The following IBTK variants were observed in gnomAD, a reference collection of about 807,000 sequenced individuals.
IBTK encodes inhibitor of Bruton tyrosine kinase.
IBTK carries 83 observed loss-of-function variants against 154.9 expected under a neutral mutation model. The observed-to-expected ratio is 0.54, with a 90% CI of 0.45 to 0.64. The LOEUF (loss-of-function observed/expected upper bound fraction) is 0.64. Among genes scored for constraint, IBTK ranks in the 30% least tolerant of loss-of-function variants. IBTK has a pLI of 0.00. For synonymous variants in IBTK, 515 were observed against 536.1 expected (o/e 0.96, Z 0.54); for missense variants, 1,332 against 1,584.6 (o/e 0.84, Z 2.71).
intron 23 of IBTK, among the ~76,000 whole-genome samples, chr6:82,194,011 A>T (rs188655217): frequency 1.4e-4 from 22 of 152,140 alleles, no homozygotes; most frequent in Non-Finnish European, 2.9e-4. Flanking sequence ...TAAATGAAAA[A>T]ATATATATAT....
At position 82,172,489 on chromosome 6, in the gene IBTK, G is replaced by C; in HGVS notation, c.3821C>G (p.Thr1274Ser). The C allele has an allele frequency of 3.7e-6, 6 of 1,613,182 alleles. No individual in the cohort carries two copies. Among genetic ancestry groups the C allele is most frequent in the South Asian group, 3.3e-5 (3 of 90,802 alleles). Residue 1274 changes from threonine to serine, a missense_variant, in exon 28 of 29, where the codon ACT becomes AGT. By Grantham distance (58) the Thr-to-Ser change is moderately conservative. Coordinates refer to ENST00000306270, the MANE Select transcript of IBTK (RefSeq NM_015525.4). ...SPNPWLSSSV[T>S]APSMVAPVTF... ...GACTGGGGCTACCATGGATGGAGCA[G>C]TCACTGAAGAAGATAGCCAGGGACT...
chr6:82,238,381 TA>T (rs1432418044), intron 2 of IBTK, among the ~76,000 whole-genome samples: 1 of 152,210 alleles, frequency 6.6e-6, no homozygotes, highest in Non-Finnish European at 1.5e-5. Flanking sequence ...ATTATTTGCC[TA>T]TTCAATACAA....
At chr6:82,173,831 T>C (rs1168377542) in intron 26 of IBTK, among the ~76,000 whole-genome samples, 1 of 152,034 alleles carries the variant, frequency 6.6e-6, no homozygotes, top group Non-Finnish European at 1.5e-5. Context: ...CACAAGCTAG[T>C]TGAGGAAACA....
At chr6:82,213,415 T>A (rs1175960780) in intron 12 of IBTK, among the ~76,000 whole-genome samples, 1 of 152,026 alleles carries the variant, frequency 6.6e-6, no homozygotes, top group Non-Finnish European at 1.5e-5. Flanking sequence ...ACAAGCAACA[T>A]AAATACCTTA....
At chr6:82,235,151 T>A (rs1370981727) in intron 2 of IBTK, among the ~76,000 whole-genome samples, 1 of 152,062 alleles carries the variant, frequency 6.6e-6, no homozygotes, top group African/African-American at 2.4e-5. Context: ...GAGCCACCGT[T>A]CCCGGCCATG....
At chr6:82,242,541 T>A (rs1047319226) in intron 1 of IBTK, among the ~76,000 whole-genome samples, 1 of 152,186 alleles carries the variant, frequency 6.6e-6, no homozygotes, top group Admixed American at 6.5e-5. Context: ...TAGCTCCAGA[T>A]CTGTTCTACT....
intron 26 of IBTK, among the ~76,000 whole-genome samples, chr6:82,176,885 A>G (rs1562068305): frequency 6.6e-6 from 1 of 152,124 alleles, no homozygotes; most frequent in Non-Finnish European, 1.5e-5. Context: ...ATACTGCCCC[A>G]TCTTCTCTTA....
Position 82,216,208 on chromosome 6 carries a change from T to C in IBTK, c.1469A>G (p.Tyr490Cys), listed in dbSNP as rs1365313483. 6.9e-6 allele frequency: 11 copies of C among 1,603,410 alleles called. No individual in the cohort carries two copies. The highest frequency in any genetic ancestry group is 7.7e-6 in the Non-Finnish European group (9 of 1,176,438). The change falls in exon 11 of 29, where the codon TAT becomes TGT. Residue 490 changes from tyrosine to cysteine, a missense_variant. By Grantham distance (194) the Tyr-to-Cys change is radical. Around this residue, in one of 3 missense-constraint regions of IBTK, gnomAD observed 1,134 missense variants for 1,274.7 expected, o/e 0.89. Coordinates refer to ENST00000306270, the MANE Select transcript of IBTK (RefSeq NM_015525.4). Reference protein sequence around the residue: ...NLHNSSSDVSYVSDINSVYER... With the variant: ...NLHNSSSDVSCVSDINSVYER... ...ATACACACTATTTATATCAGAGACA[T>C]AAGACACATCTGATGAGGAATTGTG...
chr6:82,239,824 G>T (rs1246767204), intron 2 of IBTK, among the ~76,000 whole-genome samples: 1 of 149,994 alleles, frequency 6.7e-6, no homozygotes, highest in Non-Finnish European at 1.5e-5. Flanking sequence ...AATAAATTGT[G>T]CTTACTTAAT....
Position 82,191,896 on chromosome 6 carries a change from G to T in IBTK, c.3339-17C>A, listed in dbSNP as rs1293636287. The stretch of plus-strand genomic sequence containing the variant: ...CTGACAGGACTAAAAGACATAAAAG[G>T]TTACTTTGCAAAGCATTCATTTACC... On this transcript the variant is annotated splice_polypyrimidine_tract_variant and intron_variant, in intron 23 of 28. Transcript: ENST00000306270. 1 of 1,518,340 alleles carries T rather than the reference G, an allele frequency of 6.6e-7. No homozygotes were observed. The allele number at this position is 1,518,340 out of a possible 1,614,324, so 94.1% of individuals were successfully genotyped here. A position where few individuals can be genotyped will look rare whatever the true frequency, so the allele number is the denominator to read the frequency against.
intron 16 of IBTK, among the ~76,000 whole-genome samples, chr6:82,210,066 T>C (rs1769570234): frequency 6.6e-6 from 1 of 152,210 alleles, no homozygotes; most frequent in Admixed American, 6.5e-5. Context: ...TCCAGTACCA[T>C]TCCAATGAGT....
rs761497954 is a variant in IBTK at position 82,234,258 on chromosome 6, A to AAAAC, written c.322-7_322-4dup. 3 of 1,378,714 alleles carry AAAAC rather than the reference A, an allele frequency of 2.2e-6. No homozygotes were observed. Among genetic ancestry groups the AAAAC allele is most frequent in the African/African-American group, 2.9e-5 (2 of 68,112 alleles). 85.4% of individuals were successfully genotyped at this position (1,378,714 alleles called of 1,614,324 possible). On this transcript the variant is annotated splice_region_variant and splice_polypyrimidine_tract_variant and intron_variant, in intron 2 of 28. Coordinates refer to ENST00000306270, the MANE Select transcript of IBTK (RefSeq NM_015525.4). ...TGAATATACAGACTAACACCATGCT[A>AAAAC]AAACAAACAAACAAACAAATACATA...
At chr6:82,217,077 A>G (rs533024055) in intron 10 of IBTK, among the ~76,000 whole-genome samples, 1 of 152,270 alleles carries the variant, frequency 6.6e-6, no homozygotes, top group South Asian at 2.1e-4. Context: ...GATATAAGAA[A>G]CATTTGAGAA....
chr6:82,210,154 A>T (rs1413997593), intron 16 of IBTK, among the ~76,000 whole-genome samples: 2 of 152,192 alleles, frequency 1.3e-5, no homozygotes, highest in African/African-American at 4.8e-5. Flanking sequence ...ATTTTGGTAC[A>T]ATTTTTAATC....
chr6:82,246,581 G>C (rs2127832755), intron 1 of IBTK, among the ~76,000 whole-genome samples: 1 of 152,084 alleles, frequency 6.6e-6, no homozygotes, highest in Middle Eastern at 3.4e-3. Flanking sequence ...GGGATTACAG[G>C]CGTGAGCCAC....
chr6:82,191,734 T>A, intron 24 of IBTK, 53 bp downstream of exon 24: 1 of 1,095,884 alleles, frequency 9.1e-7, no homozygotes, highest in African/African-American at 1.5e-5. Flanking sequence ...TCTGTCCAAT[T>A]CTTAGGGCAG....
At chr6:82,242,317 C>T (rs1562112005) in intron 1 of IBTK, among the ~76,000 whole-genome samples, 1 of 151,180 alleles carries the variant, frequency 6.6e-6, no homozygotes, top group Non-Finnish European at 1.5e-5. Context: ...TGTGGTGAAC[C>T]AAGATCACAC....
In IBTK at chr6:82,211,568, A is replaced by G. The variant is rs755462897; in HGVS notation, c.2296T>C (p.Phe766Leu). The change falls in exon 14 of 29, where the codon TTT becomes CTT. Residue 766 changes from phenylalanine to leucine, a missense_variant. Around this residue, in one of 3 missense-constraint regions of IBTK, gnomAD observed 1,134 missense variants for 1,274.7 expected, o/e 0.89. Coordinates refer to ENST00000306270, the MANE Select transcript of IBTK (RefSeq NM_015525.4). The part of the protein sequence containing the change: ...KLKLSQKKCS[F>L]LCDVTMKSVD... ...GATTTCATGGTCACGTCACACAGAA[A>G]TGAACTGCAAGAAAATGTTTAATTG... 4 of 1,611,532 alleles carry G rather than the reference A, an allele frequency of 2.5e-6. No individual in the cohort carries two copies. The highest frequency in any genetic ancestry group is 2.2e-5 in the East Asian group (1 of 44,802).
chr6:82,223,818 T>C (rs1268888779), intron 7 of IBTK, among the ~76,000 whole-genome samples, 198 bp from the exon 8 acceptor site: 1 of 152,000 alleles, frequency 6.6e-6, no homozygotes, highest in Admixed American at 6.6e-5. Flanking sequence ...AGCATGGTGG[T>C]AGGGGCCTCT....
Sources: gnomAD v4.1 joint callset for allele counts (sites outside exome capture counted in the v4.1 genomes callset) on GRCh38, gnomAD v4.1.1 for gene constraint, gnomAD v4.1.1 regional missense constraint, MANE v1.5 for transcripts, NCBI Gene and HGNC (gene_info 2026-07-23, HGNC 2026-07-21) for gene names.